AGBL1: variants seen among roughly 807,000 people sequenced by gnomAD.
AGBL1 encodes AGBL carboxypeptidase 1, also known as cytosolic carboxypeptidase 4.
In AGBL1, 130 loss-of-function variants were observed where a neutral mutation model predicts 118.9. That is an observed-to-expected ratio of 1.09 (90% confidence interval 0.95 to 1.26). The LOEUF (loss-of-function observed/expected upper bound fraction) is 1.26. AGBL1 is among the 50% of genes most tolerant of loss of function. The pLI, the probability that AGBL1 is intolerant of heterozygous loss-of-function variation, is 0.00. For missense variants in AGBL1, 1,584 were observed against 1,298.1 expected (o/e 1.22, Z -3.38); for synonymous variants, 555 against 478.9 (o/e 1.16, Z -2.08).
intron 22 of AGBL1, among the ~76,000 whole-genome samples, chr15:86,867,240 AT>A (rs1017918563): frequency 6.6e-6 from 1 of 151,932 alleles, no homozygotes; most frequent in Admixed American, 6.6e-5. Flanking sequence ...CTCAGCCCTC[AT>A]TTTTTTTCTT....
chr15:86,801,335 A>ATCTATCTATCTG (rs2078647451), intron 22 of AGBL1, among the ~76,000 whole-genome samples: 1 of 151,510 alleles, frequency 6.6e-6, no homozygotes, highest in Non-Finnish European at 1.5e-5. Flanking sequence ...CTATCTATCT[A>ATCTATCTATCTG]TCTATCTATC....
chr15:86,255,490 G>A (rs1020978938), intron 7 of AGBL1, among the ~76,000 whole-genome samples: 2 of 152,146 alleles, frequency 1.3e-5, no homozygotes, highest in African/African-American at 4.8e-5. Context: ...TTGAAAGCTG[G>A]CTTACTTAAG....
At chr15:86,527,071 C>A (rs1362283779) in intron 19 of AGBL1, among the ~76,000 whole-genome samples, 1 of 152,158 alleles carries the variant, frequency 6.6e-6, no homozygotes, top group Non-Finnish European at 1.5e-5. Flanking sequence ...CTCCCTCCTG[C>A]AATCTTAGAA....
intron 23 of AGBL1, among the ~76,000 whole-genome samples, chr15:86,970,442 C>A (rs2081095408): frequency 6.6e-6 from 1 of 151,806 alleles, no homozygotes; most frequent in Non-Finnish European, 1.5e-5. Flanking sequence ...ATTTTCATAA[C>A]CATTGGTTGA....
At chr15:86,219,053 C>G (rs981563617) in intron 5 of AGBL1, among the ~76,000 whole-genome samples, 1 of 152,216 alleles carries the variant, frequency 6.6e-6, no homozygotes, top group African/African-American at 2.4e-5. Flanking sequence ...ATTGCTATAT[C>G]TAGGCCATCT....
rs8041402 is a variant in AGBL1 at position 86,800,170 on chromosome 15, A to T, written c.3159-106917A>T. The stretch of plus-strand genomic sequence containing the variant: ...AATTAGAACCAGATCATTTGATAGG[A>T]TATTATTTTTTTTGTCGTAGATCCT... On this transcript the variant is annotated intron_variant, in intron 22 of 22. Transcript: ENST00000614907. Among the ~76,000 whole-genome samples, 6 of 151,886 alleles carry T rather than the reference A, an allele frequency of 4.0e-5. 1 individual carries two copies. The highest frequency in any genetic ancestry group is 1.2e-4 in the African/African-American group (5 of 41,354).
intron 22 of AGBL1, among the ~76,000 whole-genome samples, chr15:86,808,331 A>T (rs1397218076): frequency 1.3e-5 from 2 of 152,190 alleles, no homozygotes; most frequent in Non-Finnish European, 2.9e-5. Flanking sequence ...TTCAGAAAAC[A>T]GCTTTCAGAA....
intron 24 of AGBL1, among the ~76,000 whole-genome samples, chr15:87,019,792 T>C (rs1158796817): frequency 1.3e-5 from 2 of 151,448 alleles, no homozygotes; most frequent in African/African-American, 2.4e-5. Context: ...CTGAAGGAGA[T>C]AGAAACCCCC....
intron 5 of AGBL1, among the ~76,000 whole-genome samples, chr15:86,182,664 AGTTTTCTTTGCT>A (rs2077570032): frequency 6.6e-6 from 1 of 152,156 alleles, no homozygotes; most frequent in South Asian, 2.1e-4. Flanking sequence ...ACTAAAGAAT[AGTTTTCTTTGCT>A]ATTTCAGCAT....
At chr15:86,081,200 T>A (rs1300051291) in intron 1 of AGBL1, among the ~76,000 whole-genome samples, 1 of 151,990 alleles carries the variant, frequency 6.6e-6, no homozygotes, top group East Asian at 1.9e-4. Flanking sequence ...CCTGCCACCA[T>A]GCCTGGCTAA....
At chr15:86,998,538 C>T (rs2081401125) in intron 24 of AGBL1, among the ~76,000 whole-genome samples, 1 of 152,122 alleles carries the variant, frequency 6.6e-6, no homozygotes. Context: ...ATATAGAGAC[C>T]CCAGATAAGT....
chr15:86,414,930 G>A (rs989609310), intron 18 of AGBL1, among the ~76,000 whole-genome samples: 5 of 152,120 alleles, frequency 3.3e-5, no homozygotes, highest in African/African-American at 1.2e-4. Context: ...TCATAGGTTG[G>A]GTTATTTATG....
intron 23 of AGBL1, among the ~76,000 whole-genome samples, chr15:86,985,757 C>A (rs2141730316): frequency 6.6e-6 from 1 of 152,104 alleles, no homozygotes; most frequent in South Asian, 2.1e-4. Context: ...TCAACATTTT[C>A]TTTTATGGTT....
At chr15:86,468,598 G>A (rs1291537658) in intron 18 of AGBL1, among the ~76,000 whole-genome samples, 1 of 152,154 alleles carries the variant, frequency 6.6e-6, no homozygotes, top group Non-Finnish European at 1.5e-5. Context: ...CTCATTATTA[G>A]CCCTTGGTGG....
intron 24 of AGBL1, among the ~76,000 whole-genome samples, chr15:87,017,269 G>A (rs1029445284): frequency 6.6e-6 from 1 of 152,022 alleles, no homozygotes; most frequent in African/African-American, 2.4e-5. Context: ...GCACAATTCT[G>A]CTACCAAAAA....
intron 21 of AGBL1, among the ~76,000 whole-genome samples, chr15:86,560,535 A>G (rs1191358631): frequency 6.6e-5 from 10 of 152,196 alleles, no homozygotes; most frequent in Non-Finnish European, 1.0e-4. Flanking sequence ...AATCCAGTCT[A>G]TCATTGATGG....
At chr15:86,100,189 C>G (rs750568127) in intron 1 of AGBL1, among the ~76,000 whole-genome samples, 11 of 152,142 alleles carry the variant, frequency 7.2e-5, no homozygotes, top group Non-Finnish European at 1.5e-4. Flanking sequence ...ATAAATCCCA[C>G]TTGACCATGG....
intron 22 of AGBL1, among the ~76,000 whole-genome samples, chr15:86,674,900 C>T (rs560933358): frequency 8.5e-5 from 13 of 152,052 alleles, no homozygotes; most frequent in Non-Finnish European, 1.8e-4. Flanking sequence ...AAGGGAACCA[C>T]CTGAAGATGA....
intron 17 of AGBL1, among the ~76,000 whole-genome samples, chr15:86,371,368 A>G (rs545165533): frequency 6.5e-4 from 99 of 152,272 alleles, no homozygotes; most frequent in African/African-American, 2.3e-3. Flanking sequence ...AGCTGCCTGC[A>G]TAATTTTGTG....
Sources: gnomAD v4.1 joint callset for allele counts (sites outside exome capture counted in the v4.1 genomes callset) on GRCh38, gnomAD v4.1.1 for gene constraint, MANE v1.5 for transcripts, NCBI Gene and HGNC (gene_info 2026-07-23, HGNC 2026-07-21) for gene names.